Variants in RUVBL2 observed in about 807,000 individuals in gnomAD.
RUVBL2 encodes the protein ruvB-like 2.
Under a neutral mutation model 57.9 loss-of-function variants are expected in RUVBL2, and 9 were observed. The ratio of observed to expected loss-of-function variants is 0.16; its 90% CI spans 0.09 to 0.27. RUVBL2 has a LOEUF of 0.27. Among genes scored for constraint, RUVBL2 ranks in the 10% least tolerant of loss-of-function variants. The pLI is 1.00. For synonymous variants in RUVBL2, 278 were observed against 264.6 expected, an observed-to-expected ratio of 1.05 and a Z score of -0.49; for missense variants, 456 against 669.6, an observed-to-expected ratio of 0.68 and a Z score of 3.52.
At chr19:49,010,467 T>TA in intron 8 of RUVBL2, 21 bp from the exon 9 acceptor site, 30 of 1,401,158 alleles carry the variant, frequency 2.1e-5, no homozygotes, top group Non-Finnish European at 2.7e-5. Flanking sequence ...CCGCCGTTCT[T>TA]CCCCCACCCC....
chr19:49,003,371 A>G lies in RUVBL2; in HGVS notation c.123+37A>G, dbSNP rs766015182. 16 of 1,604,074 alleles carry G rather than the reference A, an allele frequency of 1.0e-5. No homozygotes were observed. The Admixed American group carries it at 2.5e-4, about 25-fold the overall frequency. The stretch of plus-strand genomic sequence containing the variant: ...GAGGCTGGGGTGTGAGGGCCTCTCC[A>G]TGAAGGTCTTGGGTAGTGGGTACCC... On this transcript the variant is annotated intron_variant, in intron 3 of 14. Transcript: ENST00000595090.
At chr19:49,000,930 G>A (rs2039166554) in intron 2 of RUVBL2, among the ~76,000 whole-genome samples, 6 of 152,056 alleles carry the variant, frequency 3.9e-5, no homozygotes. Flanking sequence ...GGTGGAGTCA[G>A]GAGGATTGCT....
intron 6 of RUVBL2, among the ~76,000 whole-genome samples, 177 bp from the exon 7 acceptor site, chr19:49,009,599 G>A (rs1042542159): frequency 9.9e-5 from 15 of 152,204 alleles, no homozygotes; most frequent in South Asian, 6.2e-4. Flanking sequence ...AGCCATCACC[G>A]CGTCAGGCTG....
intron 11 of RUVBL2, among the ~76,000 whole-genome samples, chr19:49,013,858 G>A (rs1273680587): frequency 6.6e-6 from 1 of 152,240 alleles, no homozygotes; most frequent in African/African-American, 2.4e-5. Context: ...AGGTTGCAGT[G>A]AGCCGAGATC....
intron 1 of RUVBL2, among the ~76,000 whole-genome samples, chr19:48,998,464 G>T (rs1376371690): frequency 6.6e-6 from 1 of 152,030 alleles, no homozygotes; most frequent in Non-Finnish European, 1.5e-5. Flanking sequence ...GGAGGCCTTG[G>T]TGGGCAGATC....
At chr19:48,997,887 G>T (rs1249321153) in intron 1 of RUVBL2, among the ~76,000 whole-genome samples, 3 of 152,186 alleles carry the variant, frequency 2.0e-5, no homozygotes, top group African/African-American at 7.2e-5. Flanking sequence ...AGGGGTGGTA[G>T]CTGGCTCCTC....
In RUVBL2 at chr19:49,010,483, C is replaced by CCAACAACAAAAAAA; in HGVS notation, c.664-5_664-4insCAACAACAAAAAAA. On this transcript the variant is annotated splice_polypyrimidine_tract_variant and splice_region_variant and intron_variant, in intron 8 of 14. Coordinates refer to ENST00000595090, the MANE Select transcript of RUVBL2 (RefSeq NM_006666.3). The stretch of plus-strand genomic sequence containing the variant: ...CGCCGTTCTTCCCCCACCCCCGCCC[C>CCAACAACAAAAAAA]ATAGACCAAGTTCGTGCAGTGCCCA... 6.3e-7 allele frequency: 1 copy of CCAACAACAAAAAAA among 1,575,980 alleles called. No individual in the cohort carries two copies. The highest frequency in any genetic ancestry group is 1.1e-5 in the South Asian group (1 of 90,078).
intron 4 of RUVBL2, among the ~76,000 whole-genome samples, chr19:49,005,009 G>A (rs760060730): frequency 6.6e-6 from 1 of 151,478 alleles, no homozygotes; most frequent in African/African-American, 2.4e-5. Flanking sequence ...GAGGGTTCTA[G>A]AACTAAGGAA....
chr19:49,015,461 C>T, intron 13 of RUVBL2, 111 bp from the exon 14 acceptor site: 1 of 901,092 alleles, frequency 1.1e-6, no homozygotes, highest in Non-Finnish European at 1.8e-6. Flanking sequence ...GAATGCCCTC[C>T]CCTCACATGC....
intron 8 of RUVBL2, 156 bp downstream of exon 8, chr19:49,010,222 GC>G (rs1600190558): frequency 3.9e-6 from 3 of 778,702 alleles, no homozygotes; most frequent in Non-Finnish European, 2.1e-6. Context: ...GGACAGCAGG[GC>G]CCCTCAGCCT....
intron 6 of RUVBL2, among the ~76,000 whole-genome samples, chr19:49,008,249 T>A (rs1485878720): frequency 6.8e-6 from 1 of 147,628 alleles, no homozygotes; most frequent in Non-Finnish European, 1.5e-5. Flanking sequence ...TTTATTATAA[T>A]TTTTTTTTTG....
intron 6 of RUVBL2, 101 bp downstream of exon 6, chr19:49,007,469 G>T: frequency 1.8e-6 from 2 of 1,087,742 alleles, no homozygotes; most frequent in South Asian, 3.1e-5. Context: ...CCCATGGAAT[G>T]TTCTAGCTGC....
chr19:48,999,633 T>G (rs1055926465), intron 2 of RUVBL2, among the ~76,000 whole-genome samples: 12 of 152,102 alleles, frequency 7.9e-5, no homozygotes, highest in African/African-American at 2.9e-4. Flanking sequence ...CTGGAAGTCA[T>G]AGATATTTAC....
At position 49,011,157 on chromosome 19, in the gene RUVBL2, G is replaced by A. The variant is rs112351225; in HGVS notation, c.883-35G>A. 165 of 1,609,684 alleles carry A rather than the reference G, an allele frequency of 1.0e-4. No individual in the cohort carries two copies. Among genetic ancestry groups the A allele is most frequent in the African/African-American group, 9.5e-4 (71 of 74,956 alleles). ...GGAGGTGGGCCGGGGAAGTGGGGAC[G>A]CGGGTGGTGACTCTCACACACACCC... On this transcript the variant is annotated intron_variant, in intron 10 of 14. Transcript: ENST00000595090. The surrounding 1 kb of genome is among the most constrained non-coding windows in gnomAD (Gnocchi z 4.4).
At chr19:49,006,695 A>C (rs2039287273) in intron 4 of RUVBL2, among the ~76,000 whole-genome samples, 1 of 152,206 alleles carries the variant, frequency 6.6e-6, no homozygotes, top group Admixed American at 6.5e-5. Flanking sequence ...TCCAGCTCTG[A>C]GGCTAAACAG....
intron 6 of RUVBL2, among the ~76,000 whole-genome samples, chr19:49,009,477 A>G (rs560770087): frequency 6.6e-6 from 1 of 151,614 alleles, no homozygotes; most frequent in South Asian, 2.1e-4. Context: ...ACAGAGCAAG[A>G]CTCCGTCTCA....
upstream of RUVBL2, chr19:48,993,801 T>C: frequency 7.2e-7 from 1 of 1,396,308 alleles, no homozygotes; most frequent in Non-Finnish European, 1.0e-6. Flanking sequence ...ATTTACATAT[T>C]TATGAGGAAC....
intron 11 of RUVBL2, among the ~76,000 whole-genome samples, chr19:49,013,213 C>A (rs528208146): frequency 6.6e-6 from 1 of 152,172 alleles, no homozygotes; most frequent in Admixed American, 6.5e-5. Flanking sequence ...CTGCCCACCT[C>A]AGCCTCCCAA....
chr19:49,005,850 G>C (rs1369614025), intron 4 of RUVBL2, among the ~76,000 whole-genome samples: 2 of 152,198 alleles, frequency 1.3e-5, no homozygotes, highest in East Asian at 3.9e-4. Flanking sequence ...TGACCAGGCT[G>C]GTCCCGAACT....
Sources: gnomAD v4.1 joint callset for allele counts (sites outside exome capture counted in the v4.1 genomes callset) on GRCh38, gnomAD v4.1.1 for gene constraint, Gnocchi (gnomAD v3.1) non-coding constraint, MANE v1.5 for transcripts, NCBI Gene and HGNC (gene_info 2026-07-23, HGNC 2026-07-21) for gene names.